The following SFMBT2 variants were observed in gnomAD, a reference collection of about 807,000 sequenced individuals.
SFMBT2 encodes scm-like with four MBT domains protein 2.
In SFMBT2, 38 loss-of-function variants were observed where a neutral mutation model predicts 110.1. That is an observed-to-expected ratio of 0.35 (90% CI 0.27 to 0.45). SFMBT2 has a LOEUF of 0.45. Ranked by LOEUF, SFMBT2 falls within the 20% of genes least tolerant of loss-of-function variation. The pLI, the probability that SFMBT2 is intolerant of heterozygous loss-of-function variation, is 1.00. For missense variants in SFMBT2, 1,011 were observed against 1,094.9 expected, an observed-to-expected ratio of 0.92 and a Z score of 1.08; for synonymous variants, 425 against 425.4, an observed-to-expected ratio of 1.00 and a Z score of 0.01.
rs116040043 is a variant in SFMBT2, at chr10:7,221,288, C to T, written c.1204-751G>A. 5.1e-3 allele frequency among the ~76,000 whole-genome samples: 775 copies of T among 151,700 alleles called. 7 individuals carry two copies. The highest frequency in any genetic ancestry group is 0.018 in the African/African-American group (735 of 41,426). ...TTTAGAATTTTTCGTAGTAAAAGGT[C>T]GGGTGTGGTGGCTCATGCCTGTAAT... On this transcript the variant is annotated intron_variant, in intron 10 of 20. Coordinates refer to ENST00000397167, the MANE Select transcript of SFMBT2 (RefSeq NM_001387889.1).
intron 15 of SFMBT2, among the ~76,000 whole-genome samples, chr10:7,192,410 TCTC>T (rs1412884379): frequency 1.3e-5 from 2 of 152,276 alleles, no homozygotes; most frequent in East Asian, 1.9e-4. Context: ...TGAAAGCTCT[TCTC>T]CTACCACCAA....
intron 7 of SFMBT2, among the ~76,000 whole-genome samples, chr10:7,249,889 A>C (rs1432894035): frequency 6.6e-6 from 1 of 152,212 alleles, no homozygotes; most frequent in Non-Finnish European, 1.5e-5. Context: ...TGGGGGATGC[A>C]TGATGAATGC....
At chr10:7,184,531 G>T (rs551148887) in intron 16 of SFMBT2, among the ~76,000 whole-genome samples, 1 of 151,914 alleles carries the variant, frequency 6.6e-6, no homozygotes, top group African/African-American at 2.4e-5. Flanking sequence ...CTTTATCAGC[G>T]GCATGAAAAT....
chr10:7,240,825 C>T (rs147062615), intron 9 of SFMBT2, among the ~76,000 whole-genome samples: 10 of 152,248 alleles, frequency 6.6e-5, no homozygotes, highest in African/African-American at 2.4e-4. Context: ...ATTCTTTGTC[C>T]ACACTCCTGT....
chr10:7,229,472 G>A (rs185864461), intron 9 of SFMBT2, among the ~76,000 whole-genome samples: 10 of 151,514 alleles, frequency 6.6e-5, no homozygotes, highest in African/African-American at 2.2e-4. Flanking sequence ...CCAGCTACTC[G>A]GGAGGCTGTG....
Position 7,197,817 on chromosome 10 carries a change from G to A in SFMBT2, c.1559-130C>T, listed in dbSNP as rs1004464220. 34 of 1,298,950 alleles carry A rather than the reference G, an allele frequency of 2.6e-5. No individual in the cohort carries two copies. In the South Asian group the frequency reaches 6.2e-4, roughly 24 times the overall value. 80.5% of individuals were successfully genotyped at this position (1,298,950 alleles called of 1,614,324 possible). ...AGAGCTGTCCGAGGTCTTGGCTGAT[G>A]GGGAGTCAGGCGTAATAAAAGCAAT... is the stretch of plus-strand genomic sequence containing the variant. On this transcript the variant is annotated intron_variant, in intron 14 of 20. Transcript: ENST00000397167.
intron 20 of SFMBT2, among the ~76,000 whole-genome samples, chr10:7,168,541 G>T (rs1041005856): frequency 6.6e-6 from 1 of 152,202 alleles, no homozygotes; most frequent in Non-Finnish European, 1.5e-5. Flanking sequence ...TGACAGATAC[G>T]CATCAGTGCA....
At chr10:7,269,378 G>T (rs1841499347) in intron 7 of SFMBT2, among the ~76,000 whole-genome samples, 1 of 152,114 alleles carries the variant, frequency 6.6e-6, no homozygotes, top group African/African-American at 2.4e-5. Context: ...CAACCACACA[G>T]ACGTGTGAAC....
chr10:7,278,093 A>C (rs1477933021), intron 6 of SFMBT2, among the ~76,000 whole-genome samples: 1 of 152,216 alleles, frequency 6.6e-6, no homozygotes, highest in African/African-American at 2.4e-5. Context: ...ATTCACAACC[A>C]CACATCCTCT....
At chr10:7,323,077 A>G (rs922387361) in intron 4 of SFMBT2, among the ~76,000 whole-genome samples, 5 of 152,240 alleles carry the variant, frequency 3.3e-5, no homozygotes, top group African/African-American at 1.2e-4. Context: ...AAAATTATTT[A>G]TATTGATACC....
intron 4 of SFMBT2, chr10:7,348,100 C>A: frequency 2.3e-6 from 1 of 433,094 alleles, no homozygotes; most frequent in Non-Finnish European, 4.1e-6. Flanking sequence ...CATCATCATC[C>A]CTTCATCTCT....
chr10:7,189,679 C>G (rs1838536698), intron 15 of SFMBT2, among the ~76,000 whole-genome samples: 1 of 152,300 alleles, frequency 6.6e-6, no homozygotes, highest in Admixed American at 6.5e-5. Flanking sequence ...GTGACAGTAG[C>G]AGGAACAAGA....
chr10:7,293,781 T>C lies in SFMBT2; in HGVS notation c.437-7827A>G, dbSNP rs1178031670. Among the ~76,000 whole-genome samples, 1 of 152,144 alleles carries C rather than the reference T, an allele frequency of 6.6e-6. No homozygotes were observed. The highest frequency in any genetic ancestry group is 2.4e-5 in the African/African-American group (1 of 41,426). ...GATATAGGGTGACACAGAGCTCTGC[T>C]TCCCAAGATATGTTAGGAACCCAGG... On this transcript the variant is annotated intron_variant, in intron 4 of 20. Transcript: ENST00000397167. This position sits in a 1 kb window ranked among gnomAD's most constrained non-coding sequence, Gnocchi z 4.6.
At chr10:7,405,822 TC>T (rs138044692) in intron 1 of SFMBT2, among the ~76,000 whole-genome samples, 1 of 129,098 alleles carries the variant, frequency 7.7e-6, no homozygotes, top group South Asian at 2.9e-4. Flanking sequence ...TAGGCCCGAT[TC>T]CCCCCCCGAC....
chr10:7,338,873 C>A (rs1420644251), intron 4 of SFMBT2, among the ~76,000 whole-genome samples: 1 of 152,160 alleles, frequency 6.6e-6, no homozygotes, highest in African/African-American at 2.4e-5. Context: ...AATGTTACAA[C>A]CAACAGGCTC....
At chr10:7,359,214 T>C (rs943127021) in intron 4 of SFMBT2, among the ~76,000 whole-genome samples, 42 of 152,208 alleles carry the variant, frequency 2.8e-4, no homozygotes, top group African/African-American at 1.0e-3. Flanking sequence ...AACCCAAGGA[T>C]CATTCAGGAC....
At chr10:7,229,620 AACTCAAGAC>A (rs1840051963) in intron 9 of SFMBT2, among the ~76,000 whole-genome samples, 1 of 151,528 alleles carries the variant, frequency 6.6e-6, no homozygotes, top group Non-Finnish European at 1.5e-5. Context: ...GAAAGAAAGA[AACTCAAGAC>A]ACTGAAGATA....
At chr10:7,305,149 G>A (rs897146152) in intron 4 of SFMBT2, among the ~76,000 whole-genome samples, 4 of 152,116 alleles carry the variant, frequency 2.6e-5, no homozygotes, top group East Asian at 1.9e-4. Context: ...CTGCTTACTC[G>A]GGTAATTACT....
intron 1 of SFMBT2, among the ~76,000 whole-genome samples, chr10:7,386,241 T>A (rs1845601107): frequency 6.6e-6 from 1 of 152,188 alleles, no homozygotes; most frequent in East Asian, 1.9e-4. Flanking sequence ...CAACTCCATC[T>A]TGTCCAGTAA....
Sources: gnomAD v4.1 joint callset for allele counts (sites outside exome capture counted in the v4.1 genomes callset) on GRCh38, gnomAD v4.1.1 for gene constraint, Gnocchi (gnomAD v3.1) non-coding constraint, MANE v1.5 for transcripts, NCBI Gene and HGNC (gene_info 2026-07-23, HGNC 2026-07-21) for gene names.